Variants in PCDHGA12 observed in about 807,000 individuals in gnomAD.
The protein encoded by PCDHGA12 is protocadherin gamma subfamily A, 12.
Under a neutral mutation model 61.1 loss-of-function variants are expected in PCDHGA12, and 43 were observed. That is an observed-to-expected ratio of 0.70 (90% CI 0.55 to 0.91). The LOEUF (loss-of-function observed/expected upper bound fraction) is 0.91, where lower values mean the gene tolerates loss of function less well. Among genes scored for constraint, PCDHGA12 ranks in the 40% least tolerant of loss-of-function variants. The pLI, the probability that PCDHGA12 is intolerant of heterozygous loss-of-function variation, is 0.00. For missense variants in PCDHGA12, 1,236 were observed against 1,227.7 expected (o/e 1.01, Z -0.10); for synonymous variants, 520 against 542.9 (o/e 0.96, Z 0.59).
At position 141,430,682 on chromosome 5, in the gene PCDHGA12, C is replaced by A. The variant is rs2097302907; in HGVS notation, c.-78C>A. On this transcript the variant is annotated 5_prime_UTR_variant, in exon 1 of 4. Transcript: ENST00000252085. ...AGGAGCTCTGACTTCCCAACTGTCCCATTCTATGGGCGAAGGAACTGCTCC... is the reference window on the plus strand; with the variant it reads ...AGGAGCTCTGACTTCCCAACTGTCCAATTCTATGGGCGAAGGAACTGCTCC... The A allele has an allele frequency of 7.3e-7, 1 of 1,361,564 alleles. No homozygotes were observed. Among genetic ancestry groups the A allele is most frequent in the South Asian group, 1.7e-5 (1 of 58,150 alleles). The allele number at this position is 1,361,564 out of a possible 1,614,324, so 84.3% of individuals were successfully genotyped here. A position where few individuals can be genotyped will look rare whatever the true frequency, so the allele number is the denominator to read the frequency against.
At chr5:141,457,537 T>A (rs967428207) in intron 1 of PCDHGA12, among the ~76,000 whole-genome samples, 2 of 152,228 alleles carry the variant, frequency 1.3e-5, no homozygotes, top group Admixed American at 6.5e-5. Flanking sequence ...TAGGGTTTAA[T>A]GACAAATGTA....
chr5:141,474,022 A>G (rs929139769), intron 1 of PCDHGA12, among the ~76,000 whole-genome samples: 1 of 152,160 alleles, frequency 6.6e-6, no homozygotes, highest in African/African-American at 2.4e-5. Flanking sequence ...GTGAGCTATG[A>G]TTATTCCACT....
Position 141,432,831 on chromosome 5 carries a change from T to C in PCDHGA12, c.2072T>C (p.Leu691Pro). 1 of 1,614,206 alleles carries C rather than the reference T, an allele frequency of 6.2e-7. No individual in the cohort carries two copies. Among genetic ancestry groups the C allele is most frequent in the Non-Finnish European group, 8.5e-7 (1 of 1,180,006 alleles). ...PANSETSDLT[L>P]YLVVAVAAVS... is the part of the protein sequence containing the mutation. ...AACTCTGAAACCTCAGACCTCACTC[T>C]GTACCTGGTGGTAGCGGTGGCCGCG... The change falls in exon 1 of 4, where the codon CTG becomes CCG. Residue 691 changes from leucine (L) to proline (P), a missense_variant. Coordinates refer to ENST00000252085, the MANE Select transcript of PCDHGA12 (RefSeq NM_003735.3). The surrounding 1 kb of genome is among the most constrained non-coding windows in gnomAD (Gnocchi z 6.0).
Position 141,477,656 on chromosome 5 carries a change from C to T in PCDHGA12, c.2425-17151C>T, listed in dbSNP as rs755621234. The T allele has an allele frequency of 1.9e-6, 3 of 1,614,184 alleles. No homozygotes were observed. The South Asian group carries it at 3.3e-5, about 18-fold the overall frequency. ...AGTGGGTCGCTATTTCACAATAAATCGTGACAATGGCATAGTGTCATCCTT... is the reference window on the plus strand; with the variant it reads ...AGTGGGTCGCTATTTCACAATAAATTGTGACAATGGCATAGTGTCATCCTT... On this transcript the variant is annotated intron_variant, in intron 1 of 3. Transcript: ENST00000252085. The surrounding 1 kb of genome is among the most constrained non-coding windows in gnomAD (Gnocchi z 4.9).
intron 1 of PCDHGA12, among the ~76,000 whole-genome samples, chr5:141,437,983 A>G (rs544812394): frequency 4.6e-5 from 7 of 151,938 alleles, no homozygotes; most frequent in Admixed American, 2.6e-4. Context: ...GGATGCACCC[A>G]CCCCACCTCA....
chr5:141,433,208 CTTTT>C (rs745329085), intron 1 of PCDHGA12, 25 bp downstream of exon 1: 3 of 1,293,778 alleles, frequency 2.3e-6, no homozygotes, highest in African/African-American at 1.5e-5. Flanking sequence ...AATCTTCTTT[CTTTT>C]TTTTTTTTAA....
chr5:141,444,902 G>A (rs1442325957), intron 1 of PCDHGA12, among the ~76,000 whole-genome samples: 1 of 152,160 alleles, frequency 6.6e-6, no homozygotes, highest in Non-Finnish European at 1.5e-5. Context: ...GGATGGCATT[G>A]CATCTATACC....
intron 1 of PCDHGA12, chr5:141,478,072 G>A (rs752905249): frequency 6.2e-7 from 1 of 1,614,048 alleles, no homozygotes; most frequent in Admixed American, 1.7e-5. Flanking sequence ...AAGACAATGG[G>A]GAGCCTTCGC....
rs941528168 is a variant in PCDHGA12, at chr5:141,476,433, T to C, written c.2425-18374T>C. 2 of 1,614,094 alleles carry C rather than the reference T, an allele frequency of 1.2e-6. No individual in the cohort carries two copies. The highest frequency in any genetic ancestry group is 2.2e-5 in the East Asian group (1 of 44,856). ...TGTGGGACACTGCCCTCTTGCACTGTAACTCTGGAGTTGGTAGTGGAGAAC... is the reference window on the plus strand; with the variant it reads ...TGTGGGACACTGCCCTCTTGCACTGCAACTCTGGAGTTGGTAGTGGAGAAC... On this transcript the variant is annotated intron_variant, in intron 1 of 3. Coordinates refer to ENST00000252085, the MANE Select transcript of PCDHGA12 (RefSeq NM_003735.3). This position sits in a 1 kb window ranked among gnomAD's most constrained non-coding sequence, Gnocchi z 7.6.
chr5:141,511,320 A>G lies in PCDHGA12; in HGVS notation c.*147A>G. ...CATGCTCCCCTTGGGAAACAGAAAC[A>G]AGTGCCCAGTCAGCACCTACCCCTT... On this transcript the variant is annotated 3_prime_UTR_variant, in exon 4 of 4. Transcript: ENST00000252085. 6.8e-7 allele frequency: 1 copy of G among 1,475,678 alleles called. No homozygotes were observed. The highest frequency in any genetic ancestry group is 1.4e-5 in the South Asian group (1 of 72,746). 91.4% of individuals were successfully genotyped at this position (1,475,678 alleles called of 1,614,324 possible).
Position 141,494,872 on chromosome 5 carries a change from G to A in PCDHGA12, c.2483+7G>A. On this transcript the variant is annotated splice_region_variant and intron_variant, in intron 2 of 3. Transcript: ENST00000252085. ...AGAGACCCGGCACCAGCGGGTAGGT[G>A]ACTGATTCTCCAGCCCACCCTCTTC... 1 of 1,614,128 alleles carries A rather than the reference G, an allele frequency of 6.2e-7. No individual in the cohort carries two copies. Among genetic ancestry groups the A allele is most frequent in the South Asian group, 1.1e-5 (1 of 91,074 alleles).
rs779292483 is a variant in PCDHGA12 at position 141,491,102 on chromosome 5, T to C, written c.2425-3705T>C. The C allele has an allele frequency of 6.2e-7, 1 of 1,614,152 alleles. No individual in the cohort carries two copies. Among genetic ancestry groups the C allele is most frequent in the Non-Finnish European group, 8.5e-7 (1 of 1,180,006 alleles). ...TCCACAGCCCCAGGACTGTTCCTCG[T>C]GTCTACACACACTGGTGAGGTGCGC... On this transcript the variant is annotated intron_variant, in intron 1 of 3. Transcript: ENST00000252085. This position sits in a 1 kb window ranked among gnomAD's most constrained non-coding sequence, Gnocchi z 6.9.
In PCDHGA12 at chr5:141,511,028, T is replaced by G. The variant is rs1279056657; in HGVS notation, c.2654T>G (p.Leu885Arg). The G allele has an allele frequency of 3.7e-6, 6 of 1,614,084 alleles. No individual in the cohort carries two copies. The highest frequency in any genetic ancestry group is 1.7e-5 in the Admixed American group (1 of 60,004). ...LSARYGPQFT[L>R]QHVPDYRQNV... is the part of the protein sequence containing the mutation. The stretch of plus-strand genomic sequence containing the variant: ...GCCCGCTACGGACCCCAGTTCACCC[T>G]GCAGCACGTGCCCGACTACCGCCAG... Residue 885 changes from leucine to arginine, a missense_variant, in exon 4 of 4, where the codon CTG becomes CGG. Physicochemically the swap from Leu to Arg is moderately radical, Grantham distance 102. Transcript: ENST00000252085.
intron 1 of PCDHGA12, among the ~76,000 whole-genome samples, chr5:141,438,655 T>G (rs1436221152): frequency 7.1e-6 from 1 of 140,042 alleles, no homozygotes; most frequent in East Asian, 2.1e-4. Flanking sequence ...CACACACATA[T>G]ATGTATATAT....
intron 2 of PCDHGA12, among the ~76,000 whole-genome samples, chr5:141,504,451 G>A (rs2099838355): frequency 1.3e-5 from 2 of 152,070 alleles, no homozygotes; most frequent in South Asian, 4.2e-4. Context: ...CTAGTGCCAT[G>A]TGGGGCAGCC....
At position 141,490,821 on chromosome 5, in the gene PCDHGA12, G is replaced by A. The variant is rs907584239; in HGVS notation, c.2425-3986G>A. On this transcript the variant is annotated intron_variant, in intron 1 of 3. Transcript: ENST00000252085. The surrounding 1 kb of genome is among the most constrained non-coding windows in gnomAD (Gnocchi z 5.4). ...AGCGTACCTTTGACTATGAATTGCT[G>A]CAGATGCTGCAGATTGTGGTGGGGG... 6.2e-7 allele frequency: 1 copy of A among 1,613,876 alleles called. No homozygotes were observed. Among genetic ancestry groups the A allele is most frequent in the Non-Finnish European group, 8.5e-7 (1 of 1,179,826 alleles).
chr5:141,465,413 G>A (rs996581829), intron 1 of PCDHGA12, among the ~76,000 whole-genome samples: 1 of 152,174 alleles, frequency 6.6e-6, no homozygotes, highest in Non-Finnish European at 1.5e-5. Context: ...AGCCAAATCA[G>A]CACTGAAAGG....
chr5:141,500,384 T>C (rs956708207), intron 2 of PCDHGA12, among the ~76,000 whole-genome samples: 1 of 151,894 alleles, frequency 6.6e-6, no homozygotes, highest in African/African-American at 2.4e-5. Context: ...AATTATTTTG[T>C]ATTTTTAGTA....
intron 1 of PCDHGA12, among the ~76,000 whole-genome samples, chr5:141,483,201 C>A (rs2099578254): frequency 6.6e-6 from 1 of 152,108 alleles, no homozygotes; most frequent in Non-Finnish European, 1.5e-5. Context: ...TTATTTTATT[C>A]CATATAGATG....
Sources: gnomAD v4.1 joint callset for allele counts (sites outside exome capture counted in the v4.1 genomes callset) on GRCh38, gnomAD v4.1.1 for gene constraint, Gnocchi (gnomAD v3.1) non-coding constraint, MANE v1.5 for transcripts, NCBI Gene and HGNC (gene_info 2026-07-23, HGNC 2026-07-21) for gene names.